Variants in ATOH8 observed in about 807,000 individuals in gnomAD.
ATOH8 encodes transcription factor ATOH8.
A neutral mutation model predicts 21.2 loss-of-function variants in ATOH8; 9 were observed. The ratio of observed to expected loss-of-function variants is 0.42; its 90% CI spans 0.26 to 0.74. The LOEUF (loss-of-function observed/expected upper bound fraction) is 0.74. Ranked by LOEUF, ATOH8 falls within the 30% of genes least tolerant of loss-of-function variation. The pLI is 0.24. For synonymous variants in ATOH8, 253 were observed against 224.0 expected (o/e 1.13, Z -1.16); for missense variants, 524 against 470.9 (o/e 1.11, Z -1.04).
intron 2 of ATOH8, chr2:85,773,084 G>A (rs769352794): frequency 9.6e-5 from 34 of 354,338 alleles, no homozygotes; most frequent in Middle Eastern, 9.7e-4. Context: ...TCATTCCGCC[G>A]TCACCCTGAA....
intron 1 of ATOH8, among the ~76,000 whole-genome samples, chr2:85,755,393 T>G (rs1205829250): frequency 6.6e-6 from 1 of 152,042 alleles, no homozygotes; most frequent in Non-Finnish European, 1.5e-5. Flanking sequence ...CCGGGGGAGT[T>G]GTCAGCCCCT....
chr2:85,768,765 G>T (rs576619198), intron 2 of ATOH8, among the ~76,000 whole-genome samples: 1 of 152,156 alleles, frequency 6.6e-6, no homozygotes, highest in Non-Finnish European at 1.5e-5. Context: ...AGCCCTCCTC[G>T]GCAGGGGGTG....
chr2:85,771,314 T>C (rs1418866869), intron 2 of ATOH8, among the ~76,000 whole-genome samples: 1 of 152,150 alleles, frequency 6.6e-6, no homozygotes, highest in African/African-American at 2.4e-5. Flanking sequence ...AGTCCTCTCA[T>C]CTGTAAAGTG....
intron 2 of ATOH8, among the ~76,000 whole-genome samples, chr2:85,778,073 G>T (rs1680378756): frequency 6.6e-6 from 1 of 152,242 alleles, no homozygotes; most frequent in African/African-American, 2.4e-5. Flanking sequence ...GCTTGGCTTT[G>T]CAGCCATTGT....
rs1434230252 is a variant in ATOH8 at position 85,754,108 on chromosome 2, G to C, written c.-82G>C. 6 of 1,366,756 alleles carry C rather than the reference G, an allele frequency of 4.4e-6. No homozygotes were observed. The highest frequency in any genetic ancestry group is 3.1e-5 in the African/African-American group (2 of 64,344). 84.7% of individuals were successfully genotyped at this position (1,366,756 alleles called of 1,614,324 possible). ...GAGGGAGGGGGAGGGCGGGCGAAGC[G>C]GGAGAGCCAGAGACTCCTCGGCGCT... On this transcript the variant is annotated 5_prime_UTR_variant, in exon 1 of 3. Coordinates refer to ENST00000306279, the MANE Select transcript of ATOH8 (RefSeq NM_032827.7).
At chr2:85,770,916 A>C (rs887019585) in intron 2 of ATOH8, among the ~76,000 whole-genome samples, 40 of 152,098 alleles carry the variant, frequency 2.6e-4, no homozygotes, top group African/African-American at 9.4e-4. Flanking sequence ...GAGAAAAACC[A>C]GCTCTTCCTG....
rs899771986 is a variant in ATOH8 at position 85,788,493 on chromosome 2, C to A, written c.*1603C>A. 6.6e-6 allele frequency among the ~76,000 whole-genome samples: 1 copy of A among 152,166 alleles called. No homozygotes were observed. The highest frequency in any genetic ancestry group is 2.4e-5 in the African/African-American group (1 of 41,444). The stretch of plus-strand genomic sequence containing the variant: ...AACCTTTTCCAGCCCCATCACCAGT[C>A]CCAGCCCAAAGTCTCTTGTGTGGCC... On this transcript the variant is annotated 3_prime_UTR_variant, in exon 3 of 3. Transcript: ENST00000306279.
chr2:85,778,382 CT>C (rs1680391918), intron 2 of ATOH8, among the ~76,000 whole-genome samples: 1 of 152,202 alleles, frequency 6.6e-6, no homozygotes, highest in African/African-American at 2.4e-5. Flanking sequence ...ACCTGGATCC[CT>C]CGGTGGCACC....
intron 2 of ATOH8, among the ~76,000 whole-genome samples, chr2:85,770,350 G>C (rs1235648780): frequency 1.3e-5 from 2 of 152,106 alleles, no homozygotes; most frequent in African/African-American, 2.4e-5. Context: ...AGGGGAGGTT[G>C]GTGGCTCACA....
Position 85,754,180 on chromosome 2 carries a change from C to A in ATOH8, c.-10C>A. On this transcript the variant is annotated 5_prime_UTR_variant, in exon 1 of 3. Coordinates refer to ENST00000306279, the MANE Select transcript of ATOH8 (RefSeq NM_032827.7). ...AGCCCCACGCCCCTGCCTCGCGCGC[C>A]GCCCGCGCCATGAAGCACATCCCGG... The A allele has an allele frequency of 6.4e-7, 1 of 1,560,954 alleles. No individual in the cohort carries two copies. Among genetic ancestry groups the A allele is most frequent in the Non-Finnish European group, 8.6e-7 (1 of 1,157,976 alleles).
intron 1 of ATOH8, among the ~76,000 whole-genome samples, chr2:85,760,551 G>A (rs868423203): frequency 2.0e-5 from 3 of 152,162 alleles, no homozygotes; most frequent in African/African-American, 7.2e-5. Flanking sequence ...AGTTCAAAAC[G>A]CAGCTCTTCA....
chr2:85,761,382 G>A (rs1347237798), intron 1 of ATOH8, among the ~76,000 whole-genome samples: 1 of 152,208 alleles, frequency 6.6e-6, no homozygotes, highest in Non-Finnish European at 1.5e-5. Flanking sequence ...GGAGCTCAAT[G>A]GATGGGTTTC....
intron 2 of ATOH8, chr2:85,773,114 C>G (rs935080412): frequency 3.6e-5 from 12 of 337,928 alleles, no homozygotes; most frequent in African/African-American, 2.4e-4. Flanking sequence ...TGCACACAGA[C>G]GAGAACAATG....
At chr2:85,765,859 C>T (rs1230361357) in intron 2 of ATOH8, among the ~76,000 whole-genome samples, 2 of 152,252 alleles carry the variant, frequency 1.3e-5, no homozygotes, top group South Asian at 2.1e-4. Flanking sequence ...CCGACAGAGC[C>T]GAGCTTTTGG....
At chr2:85,759,270 C>G (rs370217800) in intron 1 of ATOH8, among the ~76,000 whole-genome samples, 1 of 152,286 alleles carries the variant, frequency 6.6e-6, no homozygotes, top group South Asian at 2.1e-4. Flanking sequence ...TCTCGGGCAA[C>G]GAGGGACAGG....
chr2:85,769,356 ACCAGAGG>A (rs1194619768), intron 2 of ATOH8, among the ~76,000 whole-genome samples: 8 of 152,344 alleles, frequency 5.3e-5, no homozygotes, highest in African/African-American at 1.9e-4. Context: ...TGAGGGCTGT[ACCAGAGG>A]CTTAGCCAGC....
At chr2:85,780,073 G>T (rs906779032) in intron 2 of ATOH8, among the ~76,000 whole-genome samples, 1 of 152,148 alleles carries the variant, frequency 6.6e-6, no homozygotes, top group African/African-American at 2.4e-5. Context: ...GGCTGGTGGG[G>T]GTAAGAGGGT....
chr2:85,784,566 C>T (rs1181252883), intron 2 of ATOH8, among the ~76,000 whole-genome samples: 1 of 151,888 alleles, frequency 6.6e-6, no homozygotes, highest in Non-Finnish European at 1.5e-5. Flanking sequence ...AGTTGGGAAA[C>T]TGGGTCATTA....
chr2:85,786,882 C>G lies in ATOH8; in HGVS notation c.961-3C>G, dbSNP rs745677903. The G allele has an allele frequency of 6.2e-7, 1 of 1,614,082 alleles. No homozygotes were observed. The highest frequency in any genetic ancestry group is 1.1e-5 in the South Asian group (1 of 91,076). On this transcript the variant is annotated splice_region_variant and splice_polypyrimidine_tract_variant and intron_variant, in intron 2 of 2. Coordinates refer to ENST00000306279, the MANE Select transcript of ATOH8 (RefSeq NM_032827.7). ...GCTTTTAATGGCTGGTCATGTCTTT[C>G]AGGAGTGACTGGCTGCAGGCAAGAC...
Sources: allele counts gnomAD v4.1 joint callset (sites outside exome capture counted in the v4.1 genomes callset), GRCh38; gene constraint gnomAD v4.1.1; transcripts MANE v1.5; gene names NCBI Gene and HGNC (gene_info 2026-07-23, HGNC 2026-07-21).